Variants in DSC2 observed in about 807,000 individuals in gnomAD.
DSC2 encodes desmocollin-2.
Under a neutral mutation model 87.6 loss-of-function variants are expected in DSC2, and 51 were observed. The ratio of observed to expected loss-of-function variants is 0.58; its 90% CI spans 0.46 to 0.74. The LOEUF (loss-of-function observed/expected upper bound fraction) is 0.74, where lower values mean the gene tolerates loss of function less well. Ranked by LOEUF, DSC2 falls within the 30% of genes least tolerant of loss-of-function variation. The probability of loss-of-function intolerance (pLI) is 0.00; values close to 1 mark genes in which losing one functional copy is unlikely to be tolerated. For missense variants in DSC2, 1,066 were observed against 1,089.5 expected (o/e 0.98, Z 0.30); for synonymous variants, 383 against 393.2 (o/e 0.97, Z 0.31).
chr18:31,082,518 T>C (rs1987258452), intron 8 of DSC2, 95 bp from the exon 9 acceptor site: 2 of 1,117,554 alleles, frequency 1.8e-6, no homozygotes, highest in Non-Finnish European at 2.6e-6. Flanking sequence ...ATTTCCAAAG[T>C]ACTATGTTTA....
chr18:31,082,093 C>A, intron 9 of DSC2, 145 bp downstream of exon 9: 2 of 720,334 alleles, frequency 2.8e-6, no homozygotes, highest in South Asian at 2.1e-5. Flanking sequence ...ATATTCTTTC[C>A]ATTGTATATG....
rs886039077 is a variant in DSC2, at chr18:31,087,747, T to C, written c.697A>G (p.Ile233Val). The C allele has an allele frequency of 1.2e-6, 2 of 1,613,754 alleles. No homozygotes were observed. Among genetic ancestry groups the C allele is most frequent in the Non-Finnish European group, 1.7e-6 (2 of 1,179,836 alleles). Residue 233 changes from isoleucine (I) to valine (V), a missense_variant, in exon 6 of 16, where the codon ATA (isoleucine) becomes GTA (valine). Coordinates refer to ENST00000280904, the MANE Select transcript of DSC2 (RefSeq NM_024422.6). The stretch of plus-strand genomic sequence containing the variant: ...GGGTAGTTATCATTTTCATCCTCTA[T>C]TTTGATTATTAGGGGCAGTGGAAGT... The part of the protein sequence containing the change: ...PELPLPLIIK[I>V]EDENDNYPIF...
At chr18:31,077,376 A>G (rs1987058590) in intron 11 of DSC2, among the ~76,000 whole-genome samples, 1 of 152,216 alleles carries the variant, frequency 6.6e-6, no homozygotes, top group African/African-American at 2.4e-5. Context: ...TTGAGTCCAC[A>G]CACACAATTG....
In DSC2 at chr18:31,071,792, A is replaced by C. The variant is rs397517395; in HGVS notation, c.1938T>G (p.Tyr646Ter). ...SYQNDPPFGSYVVPITVRDRL... is the reference protein window; with the variant it reads ...SYQNDPPFGS Reference sequence around the variant, plus strand: ...TATCTCTCACTGTTATAGGTACTACATATGAGCCAAATGGAGGATCATTCT... The same window carrying C: ...TATCTCTCACTGTTATAGGTACTACCTATGAGCCAAATGGAGGATCATTCT... The change falls in exon 13 of 16, where the codon TAT becomes TAG. Residue 646 changes from tyrosine (Y) to a stop codon, truncating the protein, a stop_gained. Coordinates refer to ENST00000280904, the MANE Select transcript of DSC2 (RefSeq NM_024422.6). LOFTEE classifies it high-confidence loss of function. 28 of 1,613,956 alleles carry C rather than the reference A, an allele frequency of 1.7e-5. No homozygotes were observed. The highest frequency in any genetic ancestry group is 2.0e-5 in the Non-Finnish European group (24 of 1,179,970).
intron 7 of DSC2, among the ~76,000 whole-genome samples, chr18:31,085,810 A>G (rs1045577909): frequency 1.3e-5 from 2 of 152,116 alleles, no homozygotes; most frequent in African/African-American, 4.8e-5. Context: ...GGACACAGAA[A>G]CTGCTATAAG....
intron 11 of DSC2, among the ~76,000 whole-genome samples, chr18:31,077,641 T>C (rs1446680978): frequency 6.6e-6 from 1 of 152,208 alleles, no homozygotes; most frequent in Middle Eastern, 3.2e-3. Context: ...GAGTTATACA[T>C]ACTGTTTTAT....
At chr18:31,077,830 G>A (rs1208417175) in intron 11 of DSC2, among the ~76,000 whole-genome samples, 1 of 152,134 alleles carries the variant, frequency 6.6e-6, no homozygotes, top group Non-Finnish European at 1.5e-5. Context: ...CATTCTAACA[G>A]CTGGAATAAT....
chr18:31,082,875 A>G, intron 8 of DSC2, 51 bp downstream of exon 8: 2 of 1,596,312 alleles, frequency 1.3e-6, no homozygotes, highest in Non-Finnish European at 8.6e-7. Context: ...TGCATATTAA[A>G]CAATTAAAAC....
intron 5 of DSC2, 66 bp downstream of exon 5, chr18:31,089,373 G>C: frequency 6.3e-7 from 1 of 1,586,612 alleles, no homozygotes; most frequent in Non-Finnish European, 8.6e-7. Flanking sequence ...TACGTGAATT[G>C]CAAATGAGAG....
chr18:31,102,006 C>G lies in DSC2; in HGVS notation c.-35G>C. The G allele has an allele frequency of 6.8e-7, 1 of 1,474,376 alleles. No homozygotes were observed. Among genetic ancestry groups the G allele is most frequent in the South Asian group, 1.3e-5 (1 of 76,658 alleles). 91.3% of individuals were successfully genotyped at this position (1,474,376 alleles called of 1,614,324 possible). A position where few individuals can be genotyped will look rare whatever the true frequency, so the allele number is the denominator to read the frequency against. Reference sequence around the variant, plus strand: ...TCGGGGCAGGTCGCGGGCCGAGCGTCGGGCCGGGGTAGGAGGGCTCCGCGG... The same window carrying G: ...TCGGGGCAGGTCGCGGGCCGAGCGTGGGGCCGGGGTAGGAGGGCTCCGCGG... On this transcript the variant is annotated 5_prime_UTR_variant, in exon 1 of 16. Coordinates refer to ENST00000280904, the MANE Select transcript of DSC2 (RefSeq NM_024422.6).
At position 31,101,925 on chromosome 18, in the gene DSC2, C is replaced by T. The variant is rs869025386; in HGVS notation, c.47G>A (p.Arg16Gln). 9 of 1,530,718 alleles carry T rather than the reference C, an allele frequency of 5.9e-6. 1 individual carries two copies. Among genetic ancestry groups the T allele is most frequent in the African/African-American group, 1.4e-5 (1 of 71,938 alleles). The allele number at this position is 1,530,718 out of a possible 1,614,324, so 94.8% of individuals were successfully genotyped here. A position where few individuals can be genotyped will look rare whatever the true frequency, so the allele number is the denominator to read the frequency against. The change falls in exon 1 of 16, where the codon CGG (arginine) becomes CAG (glutamine). Residue 16 changes from arginine (R) to glutamine (Q), a missense_variant. Transcript: ENST00000280904. ...PSGSWNGALCRLLLLTLAILI... is the reference protein window; with the variant it reads ...PSGSWNGALCQLLLLTLAILI... ...CACCGCGAGGGTCAGCAGGAGCAGC[C>T]GGCAGAGGGCTCCGTTCCAGGAGCC...
In DSC2 at chr18:31,079,909, T is replaced by A. The variant is rs1367187700; in HGVS notation, c.1601A>T (p.Asp534Val). The change falls in exon 11 of 16, where the codon GAT (aspartate) becomes GTT (valine). Residue 534 changes from aspartate to valine, a missense_variant. Asp to Val is a radical substitution (Grantham distance 152, BLOSUM62 -3). Transcript: ENST00000280904. The stretch of plus-strand genomic sequence containing the variant: ...ATTTTTGATGGTCTCTGCCTCTCTA[T>A]CCAGGCTTCTGAAAACTTTGATTGA... The part of the protein sequence containing the change: ...TGSIKVFRSL[D>V]REAETIKNGI... 1 of 1,614,034 alleles carries A rather than the reference T, an allele frequency of 6.2e-7. No individual in the cohort carries two copies.
intron 14 of DSC2, 53 bp downstream of exon 14, chr18:31,070,673 G>A (rs771736377): frequency 1.6e-4 from 253 of 1,609,116 alleles, no homozygotes; most frequent in Non-Finnish European, 1.9e-4. Context: ...GAAGGAATAC[G>A]CATTATAAGC....
intron 1 of DSC2, 137 bp downstream of exon 1, chr18:31,101,766 C>A: frequency 1.1e-5 from 7 of 655,888 alleles, no homozygotes; most frequent in Non-Finnish European, 1.4e-5. Context: ...CCCCCGCCAA[C>A]TCCATTTTCT....
In DSC2 at chr18:31,062,447, G is replaced by C. The variant is rs1986519106; in HGVS notation, c.*5568C>G. On this transcript the variant is annotated 3_prime_UTR_variant, in exon 16 of 16. Coordinates refer to ENST00000280904, the MANE Select transcript of DSC2 (RefSeq NM_024422.6). ...AGTGTTTGAACCTGGCAATGATGAAGTGACAGTCGCAAACATAATTTTCAC... is the reference window on the plus strand; with the variant it reads ...AGTGTTTGAACCTGGCAATGATGAACTGACAGTCGCAAACATAATTTTCAC... 6.6e-6 allele frequency: 1 copy of C among 151,834 alleles called. No individual in the cohort carries two copies. The highest frequency in any genetic ancestry group is 2.4e-5 in the African/African-American group (1 of 41,308). 9.4% of individuals were successfully genotyped at this position (151,834 alleles called of 1,614,324 possible).
chr18:31,091,173 A>C, intron 3 of DSC2, 26 bp from the exon 4 acceptor site: 3 of 1,612,498 alleles, frequency 1.9e-6, no homozygotes, highest in Non-Finnish European at 2.5e-6. Flanking sequence ...AGGAAAAAAT[A>C]ATAAAGTCAA....
intron 11 of DSC2, among the ~76,000 whole-genome samples, chr18:31,079,372 G>A (rs1314109736): frequency 6.6e-6 from 1 of 152,046 alleles, no homozygotes; most frequent in Non-Finnish European, 1.5e-5. Context: ...TCCTGCCTCA[G>A]CCTCCCGAGT....
At chr18:31,076,468 C>T (rs1987020247) in intron 11 of DSC2, among the ~76,000 whole-genome samples, 1 of 152,124 alleles carries the variant, frequency 6.6e-6, no homozygotes, top group South Asian at 2.1e-4. Context: ...AGAAGGAAAA[C>T]CAACAAAAGC....
At position 31,102,066 on chromosome 18, in the gene DSC2, G is replaced by T; in HGVS notation, c.-95C>A. The T allele has an allele frequency of 8.9e-7, 1 of 1,127,508 alleles. No homozygotes were observed. The highest frequency in any genetic ancestry group is 1.2e-6 in the Non-Finnish European group (1 of 852,302). The allele number at this position is 1,127,508 out of a possible 1,614,324, so 69.8% of individuals were successfully genotyped here. ...CGCGGCCGGAGCGCAGTCTGGGCCCGCTGCTCAGGAGGAGCGCGAGGCGGA... is the reference window on the plus strand; with the variant it reads ...CGCGGCCGGAGCGCAGTCTGGGCCCTCTGCTCAGGAGGAGCGCGAGGCGGA... On this transcript the variant is annotated 5_prime_UTR_variant, in exon 1 of 16. Coordinates refer to ENST00000280904, the MANE Select transcript of DSC2 (RefSeq NM_024422.6).
Sources: allele counts gnomAD v4.1 joint callset (sites outside exome capture counted in the v4.1 genomes callset), GRCh38; gene constraint gnomAD v4.1.1; transcripts MANE v1.5; gene names NCBI Gene and HGNC (gene_info 2026-07-23, HGNC 2026-07-21).